Variants in CLASP2 observed in about 807,000 individuals in gnomAD.
CLASP2 encodes the protein CLIP-associating protein 2.
CLASP2 carries 47 observed loss-of-function variants against 194.4 expected under a neutral mutation model. That is an observed-to-expected ratio of 0.24 (90% CI 0.19 to 0.31). The LOEUF is 0.31. CLASP2 is among the 10% of genes least tolerant of loss of function. The pLI is 1.00. For synonymous variants in CLASP2, 619 were observed against 633.5 expected, an observed-to-expected ratio of 0.98 and a Z score of 0.34; for missense variants, 1,445 against 1,823.6, an observed-to-expected ratio of 0.79 and a Z score of 3.78.
At chr3:33,694,194 A>C (rs1264110414) in intron 2 of CLASP2, among the ~76,000 whole-genome samples, 2 of 152,214 alleles carry the variant, frequency 1.3e-5, no homozygotes, top group East Asian at 3.8e-4. Flanking sequence ...AAGACAAAGT[A>C]CTTGCTAAAG....
intron 6 of CLASP2, among the ~76,000 whole-genome samples, chr3:33,671,950 TG>T (rs1267188424): frequency 6.6e-6 from 1 of 152,188 alleles, no homozygotes. Context: ...AAGCTCCAAC[TG>T]GGTGGAGCCC....
intron 13 of CLASP2, among the ~76,000 whole-genome samples, chr3:33,610,952 C>T (rs2075054807): frequency 6.6e-6 from 1 of 152,162 alleles, no homozygotes; most frequent in African/African-American, 2.4e-5. Flanking sequence ...TCTTAAACAT[C>T]AAATGTACAA....
intron 37 of CLASP2, among the ~76,000 whole-genome samples, chr3:33,506,710 C>T (rs2048339831): frequency 6.6e-6 from 1 of 152,032 alleles, no homozygotes; most frequent in African/African-American, 2.4e-5. Flanking sequence ...CATGTGGAAA[C>T]CCAGTTGTCC....
At chr3:33,604,735 A>G (rs1282770186) in intron 16 of CLASP2, among the ~76,000 whole-genome samples, 3 of 152,212 alleles carry the variant, frequency 2.0e-5, no homozygotes, top group Non-Finnish European at 4.4e-5. Flanking sequence ...ACTGGCAGTG[A>G]ATAAAGACTA....
Position 33,515,230 on chromosome 3 carries a change from A to T in CLASP2, c.4110+793T>A, listed in dbSNP as rs193198948. Among the ~76,000 whole-genome samples the T allele has an allele frequency of 1.0e-3, 159 of 152,312 alleles. 1 individual carries two copies. The highest frequency in any genetic ancestry group is 3.4e-3 in the African/African-American group (140 of 41,574). ...TCAAAAACCTATTGAAATAAAAAAA[A>T]TAGTCCCTATTTGAACATTTTTTTT... On this transcript the variant is annotated intron_variant, in intron 36 of 38. Transcript: ENST00000682230.
chr3:33,522,706 A>G (rs770890801), intron 34 of CLASP2, among the ~76,000 whole-genome samples: 23 of 152,258 alleles, frequency 1.5e-4, no homozygotes, highest in Non-Finnish European at 2.9e-4. Flanking sequence ...AAATATCAGT[A>G]AAGAGATAGA....
intron 1 of CLASP2, among the ~76,000 whole-genome samples, chr3:33,712,825 G>C (rs569793953): frequency 6.6e-6 from 1 of 151,968 alleles, no homozygotes; most frequent in South Asian, 2.1e-4. Flanking sequence ...AGCCGGGCAT[G>C]GTGGTGCGTG....
intron 21 of CLASP2, among the ~76,000 whole-genome samples, chr3:33,590,801 A>G (rs973512287): frequency 6.6e-6 from 1 of 152,230 alleles, no homozygotes; most frequent in African/African-American, 2.4e-5. Context: ...TTCAGGAATC[A>G]GGTTAAAAAC....
chr3:33,584,867 T>C lies in CLASP2; in HGVS notation c.2122A>G (p.Thr708Ala), dbSNP rs2067005623. The C allele has an allele frequency of 1.7e-5, 28 of 1,613,910 alleles. No homozygotes were observed. In the East Asian group the frequency reaches 5.6e-4, roughly 32 times the overall value. ...ACTCTTTGAACACCAGAGCTCACAG[T>C]GGACAGGGCTGTTGTGGTCAGAACT... The part of the protein sequence containing the change: ...GRVLTTTALS[T>A]VSSGVQRVLV... Residue 708 changes from threonine (T) to alanine (A), a missense_variant, in exon 22 of 39, where the codon ACT (threonine) becomes GCT (alanine). By Grantham distance (58) the Thr-to-Ala change is moderately conservative. Transcript: ENST00000682230.
intron 6 of CLASP2, among the ~76,000 whole-genome samples, chr3:33,680,789 C>T (rs1268890447): frequency 6.7e-6 from 1 of 149,430 alleles, no homozygotes; most frequent in Admixed American, 6.6e-5. Flanking sequence ...CCAGCCTGGG[C>T]AGGAGTAAGA....
At chr3:33,709,666 T>C (rs1171173394) in intron 1 of CLASP2, among the ~76,000 whole-genome samples, 2 of 152,200 alleles carry the variant, frequency 1.3e-5, no homozygotes, top group Non-Finnish European at 2.9e-5. Context: ...AGAAGGAATA[T>C]AATCCTGCTG....
chr3:33,698,577 G>T (rs1344557711), intron 1 of CLASP2, among the ~76,000 whole-genome samples: 2 of 152,176 alleles, frequency 1.3e-5, no homozygotes, highest in African/African-American at 4.8e-5. Flanking sequence ...AAAACCTAAA[G>T]TGCAGAGTTG....
intron 6 of CLASP2, among the ~76,000 whole-genome samples, chr3:33,679,496 G>A (rs1033884618): frequency 6.6e-6 from 1 of 152,080 alleles, no homozygotes; most frequent in Admixed American, 6.6e-5. Context: ...TCTGTTAAAG[G>A]ACTGCTTCCC....
chr3:33,526,406 G>C (rs1163579839), intron 34 of CLASP2, among the ~76,000 whole-genome samples: 3 of 152,134 alleles, frequency 2.0e-5, no homozygotes, highest in South Asian at 2.1e-4. Flanking sequence ...AATGGAAAAG[G>C]GTTCAATTCA....
chr3:33,667,406 CAAAAAAAA>C (rs537846651), intron 6 of CLASP2, among the ~76,000 whole-genome samples: 5 of 44,148 alleles, frequency 1.1e-4, no homozygotes, highest in African/African-American at 4.3e-4. Flanking sequence ...GAGACTATCT[CAAAAAAAA>C]AAAAAAAAAA....
At chr3:33,673,904 A>G (rs923007004) in intron 6 of CLASP2, among the ~76,000 whole-genome samples, 1 of 152,214 alleles carries the variant, frequency 6.6e-6, no homozygotes, top group Non-Finnish European at 1.5e-5. Flanking sequence ...TATCCTAAAT[A>G]TATATGCACC....
At chr3:33,571,308 C>T (rs537690971) in intron 25 of CLASP2, among the ~76,000 whole-genome samples, 9 of 151,428 alleles carry the variant, frequency 5.9e-5, no homozygotes, top group African/African-American at 1.9e-4. Context: ...CCACCGCGCC[C>T]GGCCTGTCTC....
intron 30 of CLASP2, among the ~76,000 whole-genome samples, chr3:33,545,464 T>C (rs1194839508): frequency 6.6e-6 from 1 of 152,144 alleles, no homozygotes; most frequent in Non-Finnish European, 1.5e-5. Flanking sequence ...CTGAACCCAC[T>C]CTATGAAAAA....
chr3:33,611,881 C>CT, intron 13 of CLASP2, 120 bp downstream of exon 13: 1 of 691,040 alleles, frequency 1.4e-6, no homozygotes, highest in Non-Finnish European at 2.4e-6. Flanking sequence ...AAACAAAACA[C>CT]TTTTTTATGG....
Sources: gnomAD v4.1 joint callset for allele counts (sites outside exome capture counted in the v4.1 genomes callset) on GRCh38, gnomAD v4.1.1 for gene constraint, MANE v1.5 for transcripts, NCBI Gene and HGNC (gene_info 2026-07-23, HGNC 2026-07-21) for gene names.